ECT2L: variants seen among roughly 807,000 people sequenced by gnomAD.
ECT2L encodes the protein epithelial cell-transforming sequence 2 oncogene-like.
A neutral mutation model predicts 122.8 loss-of-function variants in ECT2L; 126 were observed. The observed-to-expected ratio is 1.03, with a 90% CI of 0.89 to 1.19. The LOEUF is 1.19. ECT2L is among the 50% of genes most tolerant of loss of function. The pLI, the probability that ECT2L is intolerant of heterozygous loss-of-function variation, is 0.00. For synonymous variants in ECT2L, 385 were observed against 381.8 expected (o/e 1.01, Z -0.10); for missense variants, 1,012 against 1,064.1 (o/e 0.95, Z 0.68).
chr6:138,878,373 G>GC (rs1778535761), intron 14 of ECT2L, among the ~76,000 whole-genome samples: 1 of 151,868 alleles, frequency 6.6e-6, no homozygotes. Context: ...AACAATGAGA[G>GC]CAAGATAACA....
intron 4 of ECT2L, among the ~76,000 whole-genome samples, chr6:138,822,068 C>A (rs1690594476): frequency 6.6e-6 from 1 of 152,248 alleles, no homozygotes; most frequent in Non-Finnish European, 1.5e-5. Flanking sequence ...GCTTTGTTTA[C>A]AAATTTGTTA....
At chr6:138,824,795 C>G (rs1266838741) in intron 4 of ECT2L, among the ~76,000 whole-genome samples, 3 of 152,180 alleles carry the variant, frequency 2.0e-5, no homozygotes, top group African/African-American at 7.2e-5. Flanking sequence ...ACTCCACTAT[C>G]ATCACCTGAT....
At position 138,806,145 on chromosome 6, in the gene ECT2L, A is replaced by G. The variant is rs536837946; in HGVS notation, c.-243-6693A>G. On this transcript the variant is annotated intron_variant, in intron 1 of 21. Transcript: ENST00000541398. ...AGGCTCCTTGTTCATAACTCCTCTC[A>G]ATCTGGAGACCTGTGAGCTCAAAAG... Among the ~76,000 whole-genome samples, 15 of 152,290 alleles carry G rather than the reference A, an allele frequency of 9.8e-5. 1 individual carries two copies. The South Asian group carries it at 3.1e-3, about 32-fold the overall frequency.
intron 20 of ECT2L, among the ~76,000 whole-genome samples, chr6:138,892,276 A>G (rs758367822): frequency 6.6e-6 from 1 of 151,868 alleles, no homozygotes; most frequent in Non-Finnish European, 1.5e-5. Context: ...TTTCTGTTAT[A>G]TTTATTTCTG....
At chr6:138,864,002 T>TTAA (rs1417290086) in intron 11 of ECT2L, among the ~76,000 whole-genome samples, 60 of 55,872 alleles carry the variant, frequency 1.1e-3, no homozygotes, top group Admixed American at 3.5e-3. Flanking sequence ...TCTCCGTATT[T>TTAA]AAAAAAAAAA....
At chr6:138,819,648 C>A (rs1776201698) in intron 4 of ECT2L, among the ~76,000 whole-genome samples, 1 of 151,882 alleles carries the variant, frequency 6.6e-6, no homozygotes, top group African/African-American at 2.4e-5. Context: ...CCAAAAATGA[C>A]AAAAAGATAA....
chr6:138,885,698 A>G lies in ECT2L; in HGVS notation c.2127A>G (p.Pro709=), dbSNP rs1204909130. ...GCCTGCCAGAGCTGCTGCTGTACCC[A>G]TCCCGAAGATTTGAAGAATACCTTA... ...MLSLPELLLY[P]SRRFEEYLNL... The change falls in exon 18 of 22, where the codon CCA becomes CCG. Residue 709 remains proline, a synonymous_variant. Transcript: ENST00000541398. 4 of 1,613,982 alleles carry G rather than the reference A, an allele frequency of 2.5e-6. No individual in the cohort carries two copies. Among genetic ancestry groups the G allele is most frequent in the South Asian group, 2.2e-5 (2 of 91,070 alleles).
intron 4 of ECT2L, among the ~76,000 whole-genome samples, chr6:138,816,016 G>A (rs1355720815): frequency 1.3e-5 from 2 of 152,202 alleles, no homozygotes; most frequent in Admixed American, 1.3e-4. Context: ...TCTGTTGAAA[G>A]AGGCTGCAAA....
Position 138,854,037 on chromosome 6 carries a change from G to C in ECT2L, c.1081G>C (p.Gly361Arg). The C allele has an allele frequency of 6.2e-7, 1 of 1,613,670 alleles. No homozygotes were observed. The highest frequency in any genetic ancestry group is 8.5e-7 in the Non-Finnish European group (1 of 1,179,718). ...EINLLQGYKI[G>R]VKNLLRPEVR... ...TTTTTTTTCCTCAGGCTATAAAATT[G>C]GTGTTAAAAATTTACTGAGGCCTGA... Residue 361 changes from glycine (G) to arginine (R), a missense_variant, in exon 10 of 22, where the codon GGT becomes CGT. Physicochemically the swap from Gly to Arg is moderately radical, Grantham distance 125. Coordinates refer to ENST00000541398, the MANE Select transcript of ECT2L (RefSeq NM_001077706.3).
chr6:138,831,220 T>C (rs1185746438), intron 4 of ECT2L, among the ~76,000 whole-genome samples: 1 of 152,244 alleles, frequency 6.6e-6, no homozygotes, highest in East Asian at 1.9e-4. Context: ...GCCTGGGCTA[T>C]GGCTATGGCC....
chr6:138,808,308 G>C (rs1219525721), intron 1 of ECT2L, among the ~76,000 whole-genome samples: 1 of 152,126 alleles, frequency 6.6e-6, no homozygotes, highest in Non-Finnish European at 1.5e-5. Flanking sequence ...GCAGGGACAA[G>C]ATAACAGCTC....
rs1363450571 is a variant in ECT2L, at chr6:138,820,942, C to T, written c.179+6339C>T. Among the ~76,000 whole-genome samples the T allele has an allele frequency of 2.0e-5, 3 of 152,206 alleles. No individual in the cohort carries two copies. In the South Asian group the frequency reaches 6.2e-4, roughly 31 times the overall value. ...GGAGTTTGTGAAACAGATAATGAGC[C>T]TCACCCCTAGAGATTTTGGCTCAAC... On this transcript the variant is annotated intron_variant, in intron 4 of 21. Transcript: ENST00000541398.
intron 1 of ECT2L, among the ~76,000 whole-genome samples, chr6:138,805,482 G>A (rs1775683774): frequency 6.6e-6 from 1 of 152,190 alleles, no homozygotes; most frequent in Admixed American, 6.5e-5. Flanking sequence ...AAGTTTAGTA[G>A]CTTGAAATAG....
At chr6:138,880,138 TG>T (rs1438770375) in intron 14 of ECT2L, among the ~76,000 whole-genome samples, 4 of 152,150 alleles carry the variant, frequency 2.6e-5, no homozygotes, top group African/African-American at 9.7e-5. Context: ...ATATGTCAGC[TG>T]GGGAAGCAAA....
chr6:138,841,165 GTATT>G (rs1296393176), intron 5 of ECT2L, among the ~76,000 whole-genome samples: 9 of 152,074 alleles, frequency 5.9e-5, no homozygotes, highest in African/African-American at 2.2e-4. Context: ...TAATTATAGA[GTATT>G]TATTTCCGCA....
At chr6:138,821,254 C>T (rs372348439) in intron 4 of ECT2L, among the ~76,000 whole-genome samples, 16 of 152,170 alleles carry the variant, frequency 1.1e-4, no homozygotes, top group Non-Finnish European at 2.2e-4. Flanking sequence ...CCAGGCAGCC[C>T]GAACTTGATG....
intron 12 of ECT2L, among the ~76,000 whole-genome samples, chr6:138,867,195 T>C (rs1562482784): frequency 1.3e-5 from 2 of 152,232 alleles, no homozygotes; most frequent in African/African-American, 2.4e-5. Flanking sequence ...ATTGAGCTCC[T>C]TTTCACATGC....
rs528840167 is a variant in ECT2L, at chr6:138,844,276, G to T, written c.596-136G>T. On this transcript the variant is annotated intron_variant, in intron 6 of 21. Transcript: ENST00000541398. The stretch of plus-strand genomic sequence containing the variant: ...AGAGGATGAGAAATCCAAACCGAGT[G>T]CATGAAAATGGCTGTAATTATTGTC... 59 of 955,158 alleles carry T rather than the reference G, an allele frequency of 6.2e-5. No homozygotes were observed. In the African/African-American group the frequency reaches 8.7e-4, roughly 14 times the overall value. 59.2% of individuals were successfully genotyped at this position (955,158 alleles called of 1,614,324 possible).
Position 138,881,119 on chromosome 6 carries a change from G to C in ECT2L, c.1828G>C (p.Ala610Pro). 6.2e-7 allele frequency: 1 copy of C among 1,614,136 alleles called. No individual in the cohort carries two copies. The highest frequency in any genetic ancestry group is 8.5e-7 in the Non-Finnish European group (1 of 1,180,018). The change falls in exon 15 of 22, where the codon GCC becomes CCC. Residue 610 changes from alanine (A) to proline (P), a missense_variant. By Grantham distance (27) the Ala-to-Pro change is conservative. Coordinates refer to ENST00000541398, the MANE Select transcript of ECT2L (RefSeq NM_001077706.3). The stretch of plus-strand genomic sequence containing the variant: ...ATCAAACAGAGCGATTCTGAGTGCT[G>C]CCAATATCCAGATCATTTTCTGTGA... ...LSSNRAILSA[A>P]NIQIIFCDIL...
Sources: gnomAD v4.1 joint callset for allele counts (sites outside exome capture counted in the v4.1 genomes callset) on GRCh38, gnomAD v4.1.1 for gene constraint, MANE v1.5 for transcripts, NCBI Gene and HGNC (gene_info 2026-07-23, HGNC 2026-07-21) for gene names.